Variants in PLS1 observed in about 807,000 individuals in gnomAD.
PLS1 encodes plastin 1.
In PLS1, 32 loss-of-function variants were observed where a neutral mutation model predicts 73.7. The observed-to-expected ratio is 0.43, with a 90% CI of 0.33 to 0.58. PLS1 has a LOEUF of 0.58. Ranked by LOEUF, PLS1 falls within the 20% of genes least tolerant of loss-of-function variation. The pLI is 0.04. For missense variants in PLS1, 633 were observed against 740.5 expected (o/e 0.85, Z 1.68); for synonymous variants, 217 against 261.3 (o/e 0.83, Z 1.63).
At chr3:142,651,437 G>A (rs2037086970) in intron 1 of PLS1, among the ~76,000 whole-genome samples, 1 of 143,798 alleles carries the variant, frequency 7.0e-6, no homozygotes. Context: ...ACTCCGGCCT[G>A]GATGACAAGA....
At chr3:142,642,236 TA>T (rs1374243937) in intron 1 of PLS1, among the ~76,000 whole-genome samples, 4 of 152,186 alleles carry the variant, frequency 2.6e-5, no homozygotes, top group Non-Finnish European at 4.4e-5. Context: ...CCTGATAGTA[TA>T]TGGTGAATTT....
intron 2 of PLS1, 108 bp from the exon 3 acceptor site, chr3:142,669,282 C>T: frequency 3.3e-6 from 2 of 598,494 alleles, no homozygotes; most frequent in Non-Finnish European, 5.6e-6. Context: ...ACCTGTGAAA[C>T]AAATGTGAAA....
chr3:142,623,972 G>A (rs898431457), intron 1 of PLS1, among the ~76,000 whole-genome samples: 3 of 152,048 alleles, frequency 2.0e-5, no homozygotes, highest in African/African-American at 4.8e-5. Context: ...GAATGTGTGT[G>A]TATTATTGCT....
chr3:142,599,139 T>G (rs1001553514), intron 1 of PLS1, among the ~76,000 whole-genome samples: 2 of 151,750 alleles, frequency 1.3e-5, no homozygotes, highest in Admixed American at 6.6e-5. Context: ...CACATTGCTT[T>G]GCAGTATCAG....
intron 11 of PLS1, among the ~76,000 whole-genome samples, chr3:142,694,850 A>G (rs2038160739): frequency 6.6e-6 from 1 of 152,182 alleles, no homozygotes; most frequent in Non-Finnish European, 1.5e-5. Flanking sequence ...TAACTGATAA[A>G]TTGTTGTTAT....
At chr3:142,710,121 C>CCTCTGGA (rs568784423) in intron 14 of PLS1, among the ~76,000 whole-genome samples, 246 of 150,742 alleles carry the variant, frequency 1.6e-3, no homozygotes, top group African/African-American at 5.8e-3. Flanking sequence ...GTAGGGTAGA[C>CCTCTGGA]TTCTGGATTG....
chr3:142,698,275 C>T (rs1311415441), intron 12 of PLS1: 3 of 431,582 alleles, frequency 7.0e-6, no homozygotes, highest in Non-Finnish European at 1.2e-5. Flanking sequence ...TAACTATTTT[C>T]ATCTTTATCA....
At chr3:142,672,364 A>G (rs1409875887) in intron 4 of PLS1, among the ~76,000 whole-genome samples, 2 of 125,798 alleles carry the variant, frequency 1.6e-5, no homozygotes, top group Admixed American at 9.0e-5. Flanking sequence ...TTTTTTTGAG[A>G]TGGCGTCTCG....
intron 1 of PLS1, among the ~76,000 whole-genome samples, chr3:142,634,739 G>T (rs999186983): frequency 2.0e-5 from 3 of 152,070 alleles, no homozygotes; most frequent in Non-Finnish European, 4.4e-5. Flanking sequence ...GTTAAACGAA[G>T]TCCTCAAGGC....
At chr3:142,624,865 G>C (rs2036388842) in intron 1 of PLS1, among the ~76,000 whole-genome samples, 1 of 152,160 alleles carries the variant, frequency 6.6e-6, no homozygotes, top group African/African-American at 2.4e-5. Context: ...TATACCTGGA[G>C]TCCAACAAAG....
intron 1 of PLS1, among the ~76,000 whole-genome samples, chr3:142,611,866 A>C (rs2036128052): frequency 6.6e-6 from 1 of 152,104 alleles, no homozygotes. Context: ...GCCTCCCTGA[A>C]ACTGTATGAA....
intron 1 of PLS1, among the ~76,000 whole-genome samples, chr3:142,627,214 A>C (rs545239986): frequency 1.2e-4 from 18 of 152,264 alleles, no homozygotes; most frequent in African/African-American, 4.1e-4. Flanking sequence ...GAGTTGGACT[A>C]GATGACTTTT....
In PLS1 at chr3:142,691,543, C is replaced by A. The variant is rs1365822083; in HGVS notation, c.1177+1730C>A. ...CTTTCTTATTTTTCATGTTTGAATT[C>A]TTTTTGCTAGTGTTCAGCATGCTTT... is the stretch of plus-strand genomic sequence containing the variant. On this transcript the variant is annotated intron_variant, in intron 10 of 15. Coordinates refer to ENST00000457734, the MANE Select transcript of PLS1 (RefSeq NM_001145319.2). Among the ~76,000 whole-genome samples the A allele has an allele frequency of 2.6e-5, 4 of 152,018 alleles. No homozygotes were observed. In the South Asian group the frequency reaches 6.2e-4, roughly 24 times the overall value.
chr3:142,668,051 G>C (rs978613919), intron 2 of PLS1, among the ~76,000 whole-genome samples: 1 of 152,200 alleles, frequency 6.6e-6, no homozygotes, highest in African/African-American at 2.4e-5. Context: ...AATTCAGTTA[G>C]TATAGCAGCT....
chr3:142,697,860 T>A lies in PLS1; in HGVS notation c.1257-93T>A, dbSNP rs1244401718. The A allele has an allele frequency of 7.5e-6, 5 of 669,204 alleles. No individual in the cohort carries two copies. The African/African-American group carries it at 9.0e-5, about 12-fold the overall frequency. 41.5% of individuals were successfully genotyped at this position (669,204 alleles called of 1,614,324 possible). A position where few individuals can be genotyped will look rare whatever the true frequency, so the allele number is the denominator to read the frequency against. On this transcript the variant is annotated intron_variant, in intron 11 of 15. Coordinates refer to ENST00000457734, the MANE Select transcript of PLS1 (RefSeq NM_001145319.2). ...TTTAAGAATTAAATGACTTATGTTC[T>A]TAAAGATATAAGTCTATCTCCAGTG... is the stretch of plus-strand genomic sequence containing the variant.
chr3:142,641,405 A>G (rs1013489529), intron 1 of PLS1, among the ~76,000 whole-genome samples: 25 of 150,326 alleles, frequency 1.7e-4, no homozygotes, highest in Non-Finnish European at 3.0e-4. Flanking sequence ...CTCATCCCCA[A>G]AATAGCTCCT....
chr3:142,669,131 C>T (rs1278381707), intron 2 of PLS1, among the ~76,000 whole-genome samples: 3 of 152,126 alleles, frequency 2.0e-5, no homozygotes, highest in Non-Finnish European at 2.9e-5. Context: ...ACTACAGCCT[C>T]GAACTCCTGG....
chr3:142,692,025 T>G (rs185744630), intron 10 of PLS1, among the ~76,000 whole-genome samples: 1 of 152,080 alleles, frequency 6.6e-6, no homozygotes, highest in Admixed American at 6.6e-5. Flanking sequence ...GAGCCTTGGT[T>G]TTTTTCATAT....
intron 8 of PLS1, 136 bp from the exon 9 acceptor site, chr3:142,686,148 C>T (rs894294376): frequency 4.9e-6 from 3 of 618,232 alleles, no homozygotes; most frequent in Non-Finnish European, 5.7e-6. Flanking sequence ...CAGGAACCTA[C>T]AAGTAATTCT....
Sources: allele counts gnomAD v4.1 joint callset (sites outside exome capture counted in the v4.1 genomes callset), GRCh38; gene constraint gnomAD v4.1.1; transcripts MANE v1.5; gene names NCBI Gene and HGNC (gene_info 2026-07-23, HGNC 2026-07-21).